The following RUNX1T1 variants were observed in gnomAD, a reference collection of about 807,000 sequenced individuals.
The protein encoded by RUNX1T1 is protein CBFA2T1.
In RUNX1T1, 4 loss-of-function variants were observed where a neutral mutation model predicts 62.8. The observed-to-expected ratio is 0.06, with a 90% confidence interval of 0.03 to 0.15. The LOEUF (loss-of-function observed/expected upper bound fraction) is 0.15. Ranked by LOEUF, RUNX1T1 falls within the 10% of genes least tolerant of loss-of-function variation. The probability of loss-of-function intolerance (pLI) is 1.00; values close to 1 mark genes in which losing one functional copy is unlikely to be tolerated. For synonymous variants in RUNX1T1, 291 were observed against 286.0 expected (o/e 1.02, Z -0.18); for missense variants, 508 against 754.3 (o/e 0.67, Z 3.82).
intron 1 of RUNX1T1, among the ~76,000 whole-genome samples, chr8:92,084,160 T>C (rs1282294788): frequency 1.3e-5 from 2 of 152,058 alleles, no homozygotes; most frequent in Non-Finnish European, 2.9e-5. Context: ...GACAGGTTGA[T>C]GGTTGCTGCA....
intron 8 of RUNX1T1, among the ~76,000 whole-genome samples, chr8:91,976,773 CAA>C (rs1220706604): frequency 6.6e-6 from 1 of 152,144 alleles, no homozygotes; most frequent in South Asian, 2.1e-4. Context: ...CAAAAGTAAA[CAA>C]AGTGTATACC....
chr8:91,994,012 C>CA (rs1221923674), intron 5 of RUNX1T1, among the ~76,000 whole-genome samples: 1 of 151,582 alleles, frequency 6.6e-6, no homozygotes, highest in Admixed American at 6.6e-5. Flanking sequence ...ACAACAACAA[C>CA]AAAAAAACTG....
upstream of RUNX1T1, among the ~76,000 whole-genome samples, chr8:92,066,229 C>G (rs1434442434): frequency 6.6e-6 from 1 of 152,166 alleles, no homozygotes; most frequent in African/African-American, 2.4e-5. Flanking sequence ...TTAAGACCCC[C>G]CTGCTCTTAG....
At chr8:92,057,137 A>C (rs1389113929) in intron 1 of RUNX1T1, among the ~76,000 whole-genome samples, 1 of 152,212 alleles carries the variant, frequency 6.6e-6, no homozygotes, top group African/African-American at 2.4e-5. Context: ...GTTTTATCCA[A>C]GATCATTCTT....
intron 1 of RUNX1T1, chr8:92,094,932 AATAATCT>A (rs1410180727): frequency 3.4e-6 from 3 of 880,798 alleles, no homozygotes; most frequent in Admixed American, 5.1e-5. Context: ...CCAGTCAATA[AATAATCT>A]ATTGTTCCCC....
At chr8:91,972,527 C>A (rs1193621574) in intron 9 of RUNX1T1, among the ~76,000 whole-genome samples, 1 of 152,000 alleles carries the variant, frequency 6.6e-6, no homozygotes, top group African/African-American at 2.4e-5. Context: ...TGAAAAGATG[C>A]CTTTATTATC....
intron 1 of RUNX1T1, among the ~76,000 whole-genome samples, chr8:92,023,097 C>T (rs1303997792): frequency 6.6e-6 from 1 of 152,094 alleles, no homozygotes; most frequent in South Asian, 2.1e-4. Context: ...GACAATGGGC[C>T]ATGAAAGGAG....
At chr8:92,051,719 A>G (rs1195897748) in intron 1 of RUNX1T1, among the ~76,000 whole-genome samples, 1 of 151,938 alleles carries the variant, frequency 6.6e-6, no homozygotes, top group Non-Finnish European at 1.5e-5. Flanking sequence ...ATTCAAAAGC[A>G]GTTCTGAAAG....
intron 1 of RUNX1T1, among the ~76,000 whole-genome samples, chr8:92,091,104 T>C (rs1371758892): frequency 1.3e-5 from 2 of 152,130 alleles, no homozygotes; most frequent in African/African-American, 4.8e-5. Context: ...CCAAGGCACT[T>C]AGAGGTGCTT....
At chr8:91,995,364 G>A (rs1163917313) in intron 5 of RUNX1T1, among the ~76,000 whole-genome samples, 2 of 152,146 alleles carry the variant, frequency 1.3e-5, no homozygotes, top group African/African-American at 4.8e-5. Context: ...AGGCAGGCTA[G>A]GGCCTGAGTC....
intron 1 of RUNX1T1, among the ~76,000 whole-genome samples, chr8:92,060,922 TGAGAGAGAGA>T (rs56103756): frequency 2.3e-4 from 33 of 146,418 alleles, no homozygotes; most frequent in Non-Finnish European, 1.2e-4. Context: ...ACACAGTTGA[TGAGAGAGAGA>T]GAGAGAGAGA....
At chr8:92,095,877 G>A (rs1047401523) in intron 1 of RUNX1T1, among the ~76,000 whole-genome samples, 3 of 152,150 alleles carry the variant, frequency 2.0e-5, no homozygotes, top group Non-Finnish European at 4.4e-5. Context: ...GAACATGTTC[G>A]AGATTCTGTC....
At chr8:92,010,941 A>G in intron 4 of RUNX1T1, 61 bp downstream of exon 5, 1 of 900,038 alleles carries the variant, frequency 1.1e-6, no homozygotes, top group Non-Finnish European at 1.8e-6. Context: ...AAAAGCACAC[A>G]GTTATGACCT....
chr8:92,068,203 A>C (rs997754792), intron 2 of RUNX1T1, among the ~76,000 whole-genome samples: 2 of 152,218 alleles, frequency 1.3e-5, no homozygotes, highest in Non-Finnish European at 2.9e-5. Flanking sequence ...CAGTTTTCTC[A>C]TATTTTGTAC....
At chr8:92,056,381 T>TA (rs1831037782) in intron 1 of RUNX1T1, among the ~76,000 whole-genome samples, 1 of 152,192 alleles carries the variant, frequency 6.6e-6, no homozygotes, top group Non-Finnish European at 1.5e-5. Flanking sequence ...ATATAGCTCT[T>TA]AAAGTGAAAC....
chr8:91,980,048 A>G, intron 8 of RUNX1T1: 1 of 247,604 alleles, frequency 4.0e-6, no homozygotes, highest in Non-Finnish European at 8.3e-6. Flanking sequence ...TAAGGATAAT[A>G]CATTCAGAAA....
chr8:92,053,362 C>A (rs991536191), intron 1 of RUNX1T1, among the ~76,000 whole-genome samples: 23 of 152,006 alleles, frequency 1.5e-4, no homozygotes, highest in African/African-American at 5.6e-4. Context: ...AACATTATAC[C>A]CATCCTCCAC....
intron 1 of RUNX1T1, among the ~76,000 whole-genome samples, chr8:92,028,083 G>GGGGC (rs921631590): frequency 2.0e-5 from 2 of 98,390 alleles, no homozygotes; most frequent in African/African-American, 7.9e-5. Flanking sequence ...AAATGGGGGG[G>GGGGC]GGGGTGGGAA....
intron 1 of RUNX1T1, among the ~76,000 whole-genome samples, chr8:92,092,565 A>C (rs969623086): frequency 1.3e-5 from 2 of 152,254 alleles, no homozygotes; most frequent in Non-Finnish European, 2.9e-5. Flanking sequence ...ATGCAAGAAC[A>C]GTGTTAACTT....
Sources: gnomAD v4.1 joint callset for allele counts (sites outside exome capture counted in the v4.1 genomes callset) on GRCh38, gnomAD v4.1.1 for gene constraint, MANE v1.5 for transcripts, NCBI Gene and HGNC (gene_info 2026-07-23, HGNC 2026-07-21) for gene names.